The following ACSL4 variants were observed in gnomAD, a reference collection of about 807,000 sequenced individuals.
ACSL4 encodes the protein long-chain-fatty-acid--CoA ligase 4.
Under a neutral mutation model 49.1 loss-of-function variants are expected in ACSL4, and 9 were observed. The observed-to-expected ratio is 0.18, with a 90% CI of 0.11 to 0.32. The LOEUF (loss-of-function observed/expected upper bound fraction) is 0.32. Among genes scored for constraint, ACSL4 ranks in the 10% least tolerant of loss-of-function variants. ACSL4 has a pLI of 1.00. For synonymous variants in ACSL4, 191 were observed against 170.3 expected (o/e 1.12, Z -0.95); for missense variants, 333 against 493.7 (o/e 0.67, Z 3.08).
chrX:109,683,459 T>C, intron 2 of ACSL4, 84 bp from the exon 3 acceptor site: 3 of 1,209,621 alleles, frequency 2.5e-6, no homozygotes, highest in Non-Finnish European at 3.4e-6. Context: ...AGCAAAATAA[T>C]GGTGAGCACA....
In ACSL4 at chrX:109,643,378, T is replaced by C. The variant is rs749545345; in HGVS notation, c.*651A>G. ...CTCAATTTCCCTTTAAATATATTAC[T>C]AGATATTTTTTGGTGTTGTATATGT... On this transcript the variant is annotated 3_prime_UTR_variant, in exon 16 of 16. Coordinates refer to ENST00000672401, the MANE Select transcript of ACSL4 (RefSeq NM_001318510.2). 1.4e-3 allele frequency: 156 copies of C among 112,175 alleles called. 1 individual carries two copies. The highest frequency in any genetic ancestry group is 4.7e-4 in the Non-Finnish European group (25 of 53,141). 9.2% of individuals were successfully genotyped at this position (112,175 alleles called of 1,213,427 possible).
At chrX:109,718,196 C>T (rs1927268795) in intron 1 of ACSL4, among the ~76,000 whole-genome samples, 2 of 112,167 alleles carry the variant, frequency 1.8e-5, no homozygotes, top group Admixed American at 1.9e-4. Flanking sequence ...ATAATATGAC[C>T]TTAATGTTAC....
Position 109,677,981 on chromosome X carries a change from T to C in ACSL4, c.930+7A>G. On this transcript the variant is annotated splice_region_variant and intron_variant, in intron 8 of 15. Coordinates refer to ENST00000672401, the MANE Select transcript of ACSL4 (RefSeq NM_001318510.2). ...CGATCATGCCAATATACTGAAAAGTTTGTCACCTGGTCAGAGAGTGTAAGC... is the reference window on the plus strand; with the variant it reads ...CGATCATGCCAATATACTGAAAAGTCTGTCACCTGGTCAGAGAGTGTAAGC... 1 of 1,211,041 alleles carries C rather than the reference T, an allele frequency of 8.3e-7. No individual in the cohort carries two copies.
At chrX:109,700,688 T>A (rs1925847711) in intron 1 of ACSL4, among the ~76,000 whole-genome samples, 1 of 111,630 alleles carries the variant, frequency 9.0e-6, no homozygotes. Context: ...CTGTGCAATG[T>A]ACAGAATGAA....
At chrX:109,698,288 A>G in intron 1 of ACSL4, among the ~76,000 whole-genome samples, 1 of 112,450 alleles carries the variant, frequency 8.9e-6, no homozygotes, top group Non-Finnish European at 1.9e-5. Context: ...TTACTTCTAC[A>G]CAACAGAAAA....
At chrX:109,688,074 A>G (rs1229295992) in intron 2 of ACSL4, among the ~76,000 whole-genome samples, 8 of 111,961 alleles carry the variant, frequency 7.1e-5, no homozygotes, top group Non-Finnish European at 1.1e-4. Flanking sequence ...TAGTCCACTC[A>G]CTGGCCCACT....
chrX:109,699,684 T>C (rs752589769), intron 1 of ACSL4, among the ~76,000 whole-genome samples: 83 of 111,708 alleles, frequency 7.4e-4, no homozygotes, highest in African/African-American at 2.6e-3. Context: ...TATTGCTGGG[T>C]GGTAGGATTA....
chrX:109,699,911 T>A (rs1164499473), intron 1 of ACSL4, among the ~76,000 whole-genome samples: 5 of 111,201 alleles, frequency 4.5e-5, no homozygotes, highest in Non-Finnish European at 9.4e-5. Flanking sequence ...TGTGGGAGAA[T>A]CTTTTCCCCT....
chrX:109,714,186 G>C (rs1195134495), intron 1 of ACSL4, among the ~76,000 whole-genome samples: 1 of 111,671 alleles, frequency 9.0e-6, no homozygotes, highest in Non-Finnish European at 1.9e-5. Context: ...TTTTGTTTTT[G>C]TTTTGAGACT....
intron 9 of ACSL4, among the ~76,000 whole-genome samples, chrX:109,672,616 C>A (rs1474275301): frequency 2.7e-5 from 3 of 110,583 alleles, no homozygotes; most frequent in African/African-American, 9.9e-5. Flanking sequence ...CAGACTCTAC[C>A]AAAAATAATT....
intron 13 of ACSL4, 133 bp downstream of exon 13, chrX:109,663,078 C>G: frequency 1.8e-6 from 1 of 565,753 alleles, no homozygotes; most frequent in Non-Finnish European, 2.8e-6. Context: ...GAAGCTCATA[C>G]ATAAGTTAAA....
chrX:109,694,898 G>C (rs1038655197), intron 2 of ACSL4, among the ~76,000 whole-genome samples: 2 of 111,895 alleles, frequency 1.8e-5, no homozygotes, highest in Admixed American at 9.5e-5. Context: ...GTCTAGAATA[G>C]ATGCCTCAAT....
intron 13 of ACSL4, among the ~76,000 whole-genome samples, chrX:109,662,751 A>T (rs1417461566): frequency 1.8e-5 from 2 of 111,379 alleles, no homozygotes; most frequent in African/African-American, 6.5e-5. Context: ...AGTAAAAAAA[A>T]ATATATGTGC....
chrX:109,666,724 G>A (rs989739167), intron 11 of ACSL4, among the ~76,000 whole-genome samples: 1 of 111,730 alleles, frequency 9.0e-6, no homozygotes, highest in South Asian at 3.8e-4. Context: ...AGACCAGCCT[G>A]GCCAACATGG....
rs372048467 is a variant in ACSL4 at position 109,688,823 on chromosome X, C to CTT, written c.-12-5450_-12-5449dup. 3.3e-3 allele frequency among the ~76,000 whole-genome samples: 344 copies of CTT among 103,176 alleles called. 3 individuals carry two copies. Among genetic ancestry groups the CTT allele is most frequent in the African/African-American group, 0.012 (330 of 28,502 alleles). The allele number at this position is 103,176 out of a possible 115,157, so 89.6% of individuals were successfully genotyped here. ...ACTTCCCTGGCTATTCCTTTTCAGTCTTTTTTTTTTTTTCTGCTTCTTCCT... is the reference window on the plus strand; with the variant it reads ...ACTTCCCTGGCTATTCCTTTTCAGTCTTTTTTTTTTTTTTTCTGCTTCTTCCT... On this transcript the variant is annotated intron_variant, in intron 2 of 15. Coordinates refer to ENST00000672401, the MANE Select transcript of ACSL4 (RefSeq NM_001318510.2).
At chrX:109,731,543 C>G (rs746465835) in intron 1 of ACSL4, among the ~76,000 whole-genome samples, 2 of 103,936 alleles carry the variant, frequency 1.9e-5, no homozygotes, top group South Asian at 8.5e-4. Context: ...ATATCTTAAT[C>G]TAAATCACTT....
chrX:109,708,096 C>T (rs1292082311), intron 1 of ACSL4, among the ~76,000 whole-genome samples: 1 of 111,493 alleles, frequency 9.0e-6, no homozygotes, highest in East Asian at 2.8e-4. Flanking sequence ...AGGCATGCGC[C>T]ACCACATCAG....
intron 2 of ACSL4, among the ~76,000 whole-genome samples, chrX:109,687,215 T>C (rs1484551976): frequency 8.9e-6 from 1 of 112,385 alleles, no homozygotes; most frequent in Non-Finnish European, 1.9e-5. Context: ...AGTCTATTGA[T>C]AAATTCATTT....
chrX:109,651,524 G>A lies in ACSL4; in HGVS notation c.1856-7338C>T, dbSNP rs185159467. ...CCTAAAAATAATGCCTGAATGGGTCGTAAAGGAACATAAAACTTGCTTGAA... is the reference window on the plus strand; with the variant it reads ...CCTAAAAATAATGCCTGAATGGGTCATAAAGGAACATAAAACTTGCTTGAA... On this transcript the variant is annotated intron_variant, in intron 15 of 15. Coordinates refer to ENST00000672401, the MANE Select transcript of ACSL4 (RefSeq NM_001318510.2). 3.7e-3 allele frequency among the ~76,000 whole-genome samples: 409 copies of A among 111,666 alleles called. 7 individuals are homozygous for A. The highest frequency in any genetic ancestry group is 0.013 in the African/African-American group (395 of 30,820).
Sources: gnomAD v4.1 joint callset for allele counts (sites outside exome capture counted in the v4.1 genomes callset) on GRCh38, gnomAD v4.1.1 for gene constraint, MANE v1.5 for transcripts, NCBI Gene and HGNC (gene_info 2026-07-23, HGNC 2026-07-21) for gene names.